The following CAPRIN2 variants were observed in gnomAD, a reference collection of about 807,000 sequenced individuals.
CAPRIN2 encodes caprin family member 2, also known as caprin-2.
In CAPRIN2, 66 loss-of-function variants were observed where a neutral mutation model predicts 130.4. The observed-to-expected ratio is 0.51, with a 90% CI of 0.42 to 0.62. The LOEUF (loss-of-function observed/expected upper bound fraction) is 0.62. Among genes scored for constraint, CAPRIN2 ranks in the 20% least tolerant of loss-of-function variants. The pLI is 0.00. For synonymous variants in CAPRIN2, 471 were observed against 444.1 expected (o/e 1.06, Z -0.76); for missense variants, 1,185 against 1,246.6 (o/e 0.95, Z 0.74).
intron 12 of CAPRIN2, 99 bp from the exon 15 acceptor site, chr12:30,716,775 G>T: frequency 9.8e-7 from 1 of 1,017,662 alleles, no homozygotes; most frequent in Non-Finnish European, 1.5e-6. Flanking sequence ...CTTCTATTTT[G>T]CAGGCAAAGG....
At chr12:30,711,587 C>A (rs1652436200) in exon 16 of CAPRIN2, 1 of 1,613,682 alleles carries the variant, frequency 6.2e-7, no homozygotes, top group South Asian at 1.1e-5. Flanking sequence ...GCTCGTGGAC[C>A]ACCAGATGTC....
chr12:30,737,742 C>A (rs111560567), intron 3 of CAPRIN2, among the ~76,000 whole-genome samples: 1 of 151,824 alleles, frequency 6.6e-6, no homozygotes, highest in African/African-American at 2.4e-5. Context: ...GGACTACAGG[C>A]ACCCGCCACC....
chr12:30,725,208 G>C (rs984388030), intron 9 of CAPRIN2, among the ~76,000 whole-genome samples: 1 of 152,136 alleles, frequency 6.6e-6, no homozygotes, highest in Admixed American at 6.6e-5. Context: ...TCACGCTCTT[G>C]TATCTGCCTA....
At chr12:30,724,400 G>A in exon 10 of CAPRIN2, 1 of 1,613,228 alleles carries the variant, frequency 6.2e-7, no homozygotes, top group East Asian at 2.2e-5. Flanking sequence ...GCTGAAGGCG[G>A]TTGTGACGTT....
intron 7 of CAPRIN2, 48 bp from the exon 9 acceptor site, chr12:30,729,373 T>C (rs1457365581): frequency 1.5e-6 from 2 of 1,345,870 alleles, no homozygotes; most frequent in Admixed American, 2.3e-5. Flanking sequence ...ATAGAAGACC[T>C]TGGAGGGAAT....
intron 8 of CAPRIN2, chr12:30,728,381 C>T (rs960418728): frequency 7.0e-5 from 22 of 314,258 alleles, no homozygotes; most frequent in African/African-American, 3.5e-4. Context: ...AGTGAAACCC[C>T]GTCTCTACTA....
intron 3 of CAPRIN2, among the ~76,000 whole-genome samples, chr12:30,736,367 G>A (rs1353674699): frequency 1.4e-5 from 2 of 148,018 alleles, no homozygotes; most frequent in Admixed American, 6.7e-5. Flanking sequence ...CATCATATTG[G>A]ATATTCCGCA....
At chr12:30,715,338 T>G in intron 13 of CAPRIN2, 197 bp from the exon 16 acceptor site, 2 of 649,330 alleles carry the variant, frequency 3.1e-6, no homozygotes, top group Non-Finnish European at 5.5e-6. Context: ...TTATTCAGCC[T>G]AAAAAAGGAA....
At chr12:30,744,805 T>C (rs372784873) in intron 2 of CAPRIN2, among the ~76,000 whole-genome samples, 1 of 152,204 alleles carries the variant, frequency 6.6e-6, no homozygotes, top group Non-Finnish European at 1.5e-5. Context: ...AACCCTAATA[T>C]TAAGTACAGC....
intron 1 of CAPRIN2, among the ~76,000 whole-genome samples, chr12:30,751,907 G>GT (rs1565723364): frequency 8.1e-6 from 1 of 123,548 alleles, no homozygotes; most frequent in Admixed American, 7.9e-5. Context: ...ACCCACTATG[G>GT]TATTTTTTTT....
chr12:30,725,707 G>C (rs1177686028), intron 9 of CAPRIN2, among the ~76,000 whole-genome samples: 1 of 152,082 alleles, frequency 6.6e-6, no homozygotes, highest in South Asian at 2.1e-4. Context: ...AATGATCCTT[G>C]AGCAAGTTAA....
At chr12:30,743,836 T>C (rs576511959) in intron 2 of CAPRIN2, among the ~76,000 whole-genome samples, 4 of 152,332 alleles carry the variant, frequency 2.6e-5, no homozygotes, top group Non-Finnish European at 5.9e-5. Context: ...TTCTATACTT[T>C]TATCCAAGAC....
chr12:30,751,306 G>GTCATATAT, intron 1 of CAPRIN2, 173 bp from the exon 3 acceptor site: 2 of 592,530 alleles, frequency 3.4e-6, no homozygotes, highest in Non-Finnish European at 3.0e-6. Flanking sequence ...CCAGTCAGGG[G>GTCATATAT]AGAAAAAATA....
At position 30,731,515 on chromosome 12, in the gene CAPRIN2, G is replaced by A. The variant is rs2062664523; in HGVS notation, c.893-5C>T. 6.2e-7 allele frequency: 1 copy of A among 1,608,512 alleles called. No homozygotes were observed. Among genetic ancestry groups the A allele is most frequent in the South Asian group, 1.1e-5 (1 of 90,200 alleles). Reference sequence around the variant, plus strand: ...GTAGATCCTTCAAGTGTTTGTCTAAGAAAGAGTGATTAAGACTTAATTGTC... The same window carrying A: ...GTAGATCCTTCAAGTGTTTGTCTAAAAAAGAGTGATTAAGACTTAATTGTC... On this transcript the variant is annotated splice_region_variant and splice_polypyrimidine_tract_variant and intron_variant, in intron 5 of 16. Transcript: ENST00000298892.
chr12:30,725,428 A>C (rs2060616657), intron 9 of CAPRIN2, among the ~76,000 whole-genome samples: 1 of 152,230 alleles, frequency 6.6e-6, no homozygotes, highest in Non-Finnish European at 1.5e-5. Flanking sequence ...TTTACTAAAC[A>C]AAAATACTTA....
At chr12:30,714,886 G>A in intron 14 of CAPRIN2, 73 bp downstream of exon 16, 1 of 1,257,098 alleles carries the variant, frequency 8.0e-7, no homozygotes, top group Admixed American at 1.8e-5. Context: ...GCAAGGTTAG[G>A]TAAAAATGGT....
At chr12:30,734,346 A>G (rs528021440) in intron 4 of CAPRIN2, among the ~76,000 whole-genome samples, 1 of 152,326 alleles carries the variant, frequency 6.6e-6, no homozygotes, top group Middle Eastern at 3.4e-3. Flanking sequence ...GCCTGCATCT[A>G]ACAAAGCAAG....
At chr12:30,735,020 A>C in exon 4 of CAPRIN2, 4 of 1,614,126 alleles carry the variant, frequency 2.5e-6, no homozygotes, top group Non-Finnish European at 3.4e-6. Context: ...TTAATGAGGT[A>C]GTCAAGTTCT....
chr12:30,753,595 T>C lies in CAPRIN2; in HGVS notation c.169A>G (p.Met57Val), dbSNP rs184842185. The change falls in exon 1 of 17, where the codon ATG becomes GTG. Residue 57 changes from methionine to valine, a missense_variant. By Grantham distance (21) the Met-to-Val change is conservative. This residue lies in a region of CAPRIN2 where 1,104 missense variants were observed against 1,104.3 expected (regional missense o/e 1.00). Coordinates refer to ENST00000298892, the Ensembl canonical transcript of CAPRIN2. ...AAAGGGGATGAAAAGAGTTGCACCA[T>C]TGAAACAGATGAGGCTGAAGGAGGT... 1.3e-5 allele frequency: 21 copies of C among 1,614,088 alleles called. No homozygotes were observed. Among genetic ancestry groups the C allele is most frequent in the Middle Eastern group, 1.6e-4 (1 of 6,062 alleles).
Sources: allele counts gnomAD v4.1 joint callset (sites outside exome capture counted in the v4.1 genomes callset), GRCh38; gene constraint gnomAD v4.1.1; regional missense constraint gnomAD v4.1.1; transcripts MANE v1.5; gene names NCBI Gene and HGNC (gene_info 2026-07-23, HGNC 2026-07-21).